Variants in MAP3K1 observed in about 807,000 individuals in gnomAD.
MAP3K1 encodes the protein MAP/ERK kinase kinase 1.
MAP3K1 carries 36 observed loss-of-function variants against 144.2 expected under a neutral mutation model. The ratio of observed to expected loss-of-function variants is 0.25; its 90% CI spans 0.19 to 0.33. MAP3K1 has a LOEUF of 0.33. MAP3K1 is among the 10% of genes least tolerant of loss of function. The pLI is 1.00. For missense variants in MAP3K1, 1,650 were observed against 1,881.9 expected (o/e 0.88, Z 2.28); for synonymous variants, 718 against 688.7 (o/e 1.04, Z -0.67).
Position 56,824,927 on chromosome 5 carries a change from G to T in MAP3K1, c.482+8872G>T, listed in dbSNP as rs529745906. 7.9e-5 allele frequency among the ~76,000 whole-genome samples: 12 copies of T among 151,548 alleles called. No individual in the cohort carries two copies. In the South Asian group the frequency reaches 8.3e-4, roughly 11 times the overall value. On this transcript the variant is annotated intron_variant, in intron 1 of 19. Coordinates refer to ENST00000399503, the MANE Select transcript of MAP3K1 (RefSeq NM_005921.2). ...ACCACTAATATACTGATCTTTTCCG[G>T]TTTTTTAAAAAAAATTTTTATTTTT... is the stretch of plus-strand genomic sequence containing the variant.
At chr5:56,854,333 T>C (rs1200347722) in intron 1 of MAP3K1, among the ~76,000 whole-genome samples, 4 of 145,568 alleles carry the variant, frequency 2.7e-5, no homozygotes, top group African/African-American at 1.0e-4. Context: ...CTTGGAAGGC[T>C]GAGGCAGGAG....
intron 3 of MAP3K1, among the ~76,000 whole-genome samples, chr5:56,863,786 A>G (rs78489097): frequency 0.014 from 2,159 of 152,312 alleles, 33 homozygotes; most frequent in East Asian, 0.056. Flanking sequence ...GGTCTTGCCA[A>G]CATTTATTAC....
intron 2 of MAP3K1, among the ~76,000 whole-genome samples, chr5:56,859,027 C>T (rs979708853): frequency 6.9e-5 from 10 of 144,116 alleles, no homozygotes; most frequent in African/African-American, 2.6e-4. Flanking sequence ...TGGAGTTTGG[C>T]CTTTGGTCAT....
At chr5:56,888,004 G>A (rs1237288256) in intron 18 of MAP3K1, 11 of 574,284 alleles carry the variant, frequency 1.9e-5, no homozygotes, top group Non-Finnish European at 3.4e-5. Flanking sequence ...GCAAAATTCT[G>A]TGATGGGACT....
chr5:56,842,362 A>G (rs1345887757), intron 1 of MAP3K1: 2 of 152,234 alleles, frequency 1.3e-5, no homozygotes, highest in Admixed American at 6.5e-5. Context: ...GTCACTGACT[A>G]TGGAGAGTTA....
intron 14 of MAP3K1, 25 bp from the exon 15 acceptor site, chr5:56,883,502 A>G (rs910393747): frequency 5.0e-6 from 8 of 1,611,792 alleles, no homozygotes; most frequent in Non-Finnish European, 6.8e-6. Flanking sequence ...TAACAGTAAA[A>G]AGATTGCTTT....
chr5:56,880,657 G>A (rs1748176819), intron 11 of MAP3K1, 54 bp from the exon 12 acceptor site: 2 of 1,171,920 alleles, frequency 1.7e-6, no homozygotes, highest in African/African-American at 1.5e-5. Flanking sequence ...CTCTAATATT[G>A]TATAGTGTTT....
At chr5:56,851,226 A>G (rs33331) in intron 1 of MAP3K1, among the ~76,000 whole-genome samples, 117,865 of 152,214 alleles carry the variant, frequency 0.77, 45,956 homozygotes, top group Non-Finnish European at 0.82. Context: ...GATTACAGGC[A>G]TGAGCCACCG....
Position 56,816,762 on chromosome 5 carries a change from G to A in MAP3K1, c.482+707G>A, listed in dbSNP as rs188983128. 7.3e-3 allele frequency among the ~76,000 whole-genome samples: 1,109 copies of A among 152,352 alleles called. 23 individuals are homozygous for A. Among genetic ancestry groups the A allele is most frequent in the African/African-American group, 0.024 (1,011 of 41,580 alleles). ...CTCGCGGAGGCTTGCAGTCTTTTAG[G>A]AAGTGCGGTTTGTCTAATTGCAGCC... is the stretch of plus-strand genomic sequence containing the variant. On this transcript the variant is annotated intron_variant, in intron 1 of 19. Coordinates refer to ENST00000399503, the MANE Select transcript of MAP3K1 (RefSeq NM_005921.2).
chr5:56,884,002 G>A (rs776269383), intron 15 of MAP3K1, among the ~76,000 whole-genome samples: 10 of 151,894 alleles, frequency 6.6e-5, no homozygotes, highest in Non-Finnish European at 1.0e-4. Context: ...TACAAAAATC[G>A]GCCGGGCAGG....
chr5:56,817,818 A>G (rs1042835210), intron 1 of MAP3K1, among the ~76,000 whole-genome samples: 2 of 152,232 alleles, frequency 1.3e-5, no homozygotes, highest in East Asian at 3.8e-4. Flanking sequence ...TGAGCTGTGA[A>G]TATAGTAGAA....
Position 56,851,096 on chromosome 5 carries a change from G to A in MAP3K1, c.483-5504G>A, listed in dbSNP as rs1178206248. Among the ~76,000 whole-genome samples the A allele has an allele frequency of 3.7e-5, 5 of 135,886 alleles. No individual in the cohort carries two copies. In the South Asian group the frequency reaches 9.3e-4, roughly 25 times the overall value. The allele number at this position is 135,886 out of a possible 152,430, so 89.1% of individuals were successfully genotyped here. A position where few individuals can be genotyped will look rare whatever the true frequency, so the allele number is the denominator to read the frequency against. ...CTACTAGCTGGGATTACAGGCATGC[G>A]CCACTATGCCCGGCTAATTTTGTAT... On this transcript the variant is annotated intron_variant, in intron 1 of 19. Transcript: ENST00000399503.
intron 1 of MAP3K1, chr5:56,820,503 C>G: frequency 1.0e-6 from 1 of 985,192 alleles, no homozygotes; most frequent in South Asian, 4.7e-5. Flanking sequence ...GTAACCTGGC[C>G]TTGTATATGT....
At chr5:56,847,312 C>T (rs911444427) in intron 1 of MAP3K1, among the ~76,000 whole-genome samples, 1 of 152,192 alleles carries the variant, frequency 6.6e-6, no homozygotes, top group Non-Finnish European at 1.5e-5. Context: ...GTAAAAAAGA[C>T]TTGGTCGGGC....
At chr5:56,883,789 C>A in intron 15 of MAP3K1, 110 bp downstream of exon 15, 1 of 1,094,498 alleles carries the variant, frequency 9.1e-7, no homozygotes, top group Non-Finnish European at 1.4e-6. Flanking sequence ...GTTCTTTAAA[C>A]TTTGAGAAAC....
intron 19 of MAP3K1, 88 bp downstream of exon 19, chr5:56,888,445 C>A: frequency 9.1e-7 from 1 of 1,104,316 alleles, no homozygotes; most frequent in Non-Finnish European, 1.4e-6. Flanking sequence ...TTCTCCCTAA[C>A]AATCTAGCAT....
intron 1 of MAP3K1, among the ~76,000 whole-genome samples, chr5:56,831,781 A>G (rs1240671531): frequency 3.9e-5 from 6 of 152,230 alleles, no homozygotes; most frequent in South Asian, 2.1e-4. Context: ...TGAGATTTTT[A>G]TAGATAATAC....
chr5:56,836,351 G>A (rs1439151053), intron 1 of MAP3K1, among the ~76,000 whole-genome samples: 1 of 152,162 alleles, frequency 6.6e-6, no homozygotes, highest in Non-Finnish European at 1.5e-5. Flanking sequence ...TTTGGTGCTG[G>A]TGACATGGGT....
At chr5:56,891,204 AGAAG>A (rs755477479) in intron 19 of MAP3K1, among the ~76,000 whole-genome samples, 14 of 148,954 alleles carry the variant, frequency 9.4e-5, no homozygotes, top group Non-Finnish European at 1.6e-4. Context: ...TTTGGGGAAA[AGAAG>A]GAAGAGGGAC....
Sources: gnomAD v4.1 joint callset for allele counts (sites outside exome capture counted in the v4.1 genomes callset) on GRCh38, gnomAD v4.1.1 for gene constraint, MANE v1.5 for transcripts, NCBI Gene and HGNC (gene_info 2026-07-23, HGNC 2026-07-21) for gene names.